The following UGT1A3 variants were observed in gnomAD, a reference collection of about 807,000 sequenced individuals.
UGT1A3 encodes the protein UDP glucuronosyltransferase family 1 member A3.
UGT1A3 carries 31 observed loss-of-function variants against 41.0 expected under a neutral mutation model. The ratio of observed to expected loss-of-function variants is 0.76; its 90% confidence interval spans 0.57 to 1.02. The LOEUF (loss-of-function observed/expected upper bound fraction) is 1.02. Among genes scored for constraint, UGT1A3 ranks in the 50% least tolerant of loss-of-function variants. The pLI is 0.00. For missense variants in UGT1A3, 737 were observed against 671.0 expected (o/e 1.10, Z -1.09); for synonymous variants, 262 against 257.6 (o/e 1.02, Z -0.17).
intron 1 of UGT1A3, chr2:233,747,447 A>G (rs757762144): frequency 1.5e-4 from 248 of 1,608,780 alleles, no homozygotes; most frequent in Non-Finnish European, 2.0e-4. Context: ...CACCCTGACA[A>G]CCTATGCCAT....
intron 1 of UGT1A3, among the ~76,000 whole-genome samples, chr2:233,761,819 C>T (rs1222575733): frequency 6.6e-6 from 1 of 152,192 alleles, no homozygotes; most frequent in East Asian, 1.9e-4. Flanking sequence ...AGGAGAGGCT[C>T]CTTCAGATGG....
Position 233,772,366 on chromosome 2 carries a change from G to T in UGT1A3, c.1412G>T (p.Gly471Val). Residue 471 changes from glycine (G) to valine (V), a missense_variant, in exon 5 of 5, where the codon GGC (glycine) becomes GTC (valine). Physicochemically the swap from Gly to Val is moderately radical, Grantham distance 109. Transcript: ENST00000482026. ...GTGGAGTTTGTGATGAGGCACAAGG[G>T]CGCGCCACACCTGCGCCCCGCAGCC... ...FWVEFVMRHK[G>V]APHLRPAAHD... The T allele has an allele frequency of 6.2e-7, 1 of 1,614,234 alleles. No individual in the cohort carries two copies. The highest frequency in any genetic ancestry group is 8.5e-7 in the Non-Finnish European group (1 of 1,180,048).
intron 1 of UGT1A3, among the ~76,000 whole-genome samples, chr2:233,745,130 TG>T (rs1693021871): frequency 6.6e-6 from 1 of 151,922 alleles, no homozygotes; most frequent in Admixed American, 6.5e-5. Flanking sequence ...AATCTGCAGA[TG>T]TGAAGCCCAA....
intron 1 of UGT1A3, among the ~76,000 whole-genome samples, chr2:233,733,067 T>A (rs1039618890): frequency 3.2e-4 from 48 of 152,298 alleles, no homozygotes; most frequent in Non-Finnish European, 4.6e-4. Flanking sequence ...ATTCTCTTTG[T>A]AGCAATTGTG....
Position 233,769,302 on chromosome 2 carries a change from T to C in UGT1A3, c.1307+863T>C, listed in dbSNP as rs139674601. 9.5e-4 allele frequency among the ~76,000 whole-genome samples: 145 copies of C among 152,348 alleles called. No homozygotes were observed. The highest frequency in any genetic ancestry group is 3.0e-3 in the African/African-American group (125 of 41,572). Reference sequence around the variant, plus strand: ...TGATTTCTGGATTAAAGTTAGTATATTACTGTCAAGCTCACTGGTAATAGG... The same window carrying C: ...TGATTTCTGGATTAAAGTTAGTATACTACTGTCAAGCTCACTGGTAATAGG... On this transcript the variant is annotated intron_variant, in intron 4 of 4. Transcript: ENST00000482026. This position sits in a 1 kb window ranked among gnomAD's most constrained non-coding sequence, Gnocchi z 4.4.
Position 233,772,402 on chromosome 2 carries a change from C to T in UGT1A3, c.1448C>T (p.Thr483Ile), listed in dbSNP as rs1279219087. The T allele has an allele frequency of 6.2e-7, 1 of 1,614,144 alleles. No individual in the cohort carries two copies. The highest frequency in any genetic ancestry group is 1.3e-5 in the African/African-American group (1 of 74,938). ...CTGCGCCCCGCAGCCCACGACCTCA[C>T]CTGGTACCAGTACCATTCCTTGGAC... ...PHLRPAAHDLTWYQYHSLDVI... is the reference protein window; with the variant it reads ...PHLRPAAHDLIWYQYHSLDVI... The change falls in exon 5 of 5, where the codon ACC (threonine) becomes ATC (isoleucine). Residue 483 changes from threonine to isoleucine, a missense_variant. By Grantham distance (89) the Thr-to-Ile change is moderately conservative. Coordinates refer to ENST00000482026, the MANE Select transcript of UGT1A3 (RefSeq NM_019093.4).
intron 1 of UGT1A3, chr2:233,761,111 T>G: frequency 1.9e-6 from 3 of 1,614,220 alleles, no homozygotes; most frequent in Non-Finnish European, 2.5e-6. Context: ...ATGGTTTTTG[T>G]TGGTGGAATC....
At chr2:233,766,826 T>G (rs1699252557) in intron 1 of UGT1A3, among the ~76,000 whole-genome samples, 1 of 152,230 alleles carries the variant, frequency 6.6e-6, no homozygotes, top group Non-Finnish European at 1.5e-5. Context: ...AGGATAATTC[T>G]GTAAGCAGGA....
chr2:233,760,894 C>A, intron 1 of UGT1A3: 1 of 1,614,174 alleles, frequency 6.2e-7, no homozygotes, highest in Non-Finnish European at 8.5e-7. Context: ...TCATTCAGAT[C>A]ACATGACCTT....
chr2:233,747,249 G>T, intron 1 of UGT1A3: 1 of 1,600,822 alleles, frequency 6.2e-7, no homozygotes, highest in Non-Finnish European at 8.5e-7. Context: ...TGCTGTGGCT[G>T]GCCACAGGAG....
At chr2:233,751,144 C>T (rs1237165481) in intron 1 of UGT1A3, among the ~76,000 whole-genome samples, 2 of 151,954 alleles carry the variant, frequency 1.3e-5, no homozygotes, top group Non-Finnish European at 2.9e-5. Context: ...CTGTGGGAGC[C>T]CACTTCTGGC....
At chr2:233,763,992 G>T (rs1053097795) in intron 1 of UGT1A3, among the ~76,000 whole-genome samples, 85 of 152,324 alleles carry the variant, frequency 5.6e-4, no homozygotes, top group Non-Finnish European at 2.2e-4. Flanking sequence ...AATGCGTGAT[G>T]GTGAAGTCAC....
chr2:233,747,375 G>A, intron 1 of UGT1A3: 1 of 1,604,748 alleles, frequency 6.2e-7, no homozygotes, highest in Non-Finnish European at 8.5e-7. Flanking sequence ...CCATGCCAGA[G>A]GCCACCAGGC....
intron 4 of UGT1A3, 75 bp from the exon 5 acceptor site, chr2:233,772,187 G>A: frequency 6.3e-7 from 1 of 1,594,510 alleles, no homozygotes; most frequent in South Asian, 1.1e-5. Flanking sequence ...GTCTTCTTAA[G>A]CAGCCATGAG....
chr2:233,741,302 A>G (rs1379292322), intron 1 of UGT1A3, among the ~76,000 whole-genome samples: 1 of 151,744 alleles, frequency 6.6e-6, no homozygotes, highest in Non-Finnish European at 1.5e-5. Context: ...AATTGTGTAG[A>G]TACACACCAA....
chr2:233,734,278 T>A (rs2078507022), intron 1 of UGT1A3, among the ~76,000 whole-genome samples: 1 of 152,194 alleles, frequency 6.6e-6, no homozygotes, highest in Admixed American at 6.5e-5. Flanking sequence ...CAGGAATTTA[T>A]CCATTTCTTC....
intron 4 of UGT1A3, chr2:233,770,796 T>G (rs1486074516): frequency 6.6e-6 from 1 of 152,204 alleles, no homozygotes; most frequent in Non-Finnish European, 1.5e-5. Context: ...TATAGATATG[T>G]TTAAAGACAG....
rs1575663531 is a variant in UGT1A3, at chr2:233,744,064, T to A, written c.867+14071T>A. ...GCCACATCTCATTGGTCGAGGCCTATGAGCGCCTCGCATCCCAAGATGCAG... is the reference window on the plus strand; with the variant it reads ...GCCACATCTCATTGGTCGAGGCCTAAGAGCGCCTCGCATCCCAAGATGCAG... On this transcript the variant is annotated intron_variant, in intron 1 of 4. Transcript: ENST00000482026. 7.1e-6 allele frequency: 4 copies of A among 560,044 alleles called. No homozygotes were observed. In the East Asian group the frequency reaches 2.1e-4, roughly 29 times the overall value. 34.7% of individuals were successfully genotyped at this position (560,044 alleles called of 1,614,324 possible). A position where few individuals can be genotyped will look rare whatever the true frequency, so the allele number is the denominator to read the frequency against.
chr2:233,768,589 T>C (rs1575835871), intron 4 of UGT1A3, 150 bp downstream of exon 4: 6 of 1,048,606 alleles, frequency 5.7e-6, no homozygotes, highest in East Asian at 7.5e-5. Flanking sequence ...CTTCTTTTTT[T>C]TTTTTTTTTT....
Sources: allele counts gnomAD v4.1 joint callset (sites outside exome capture counted in the v4.1 genomes callset), GRCh38; gene constraint gnomAD v4.1.1; non-coding constraint Gnocchi (gnomAD v3.1); transcripts MANE v1.5; gene names NCBI Gene and HGNC (gene_info 2026-07-23, HGNC 2026-07-21).